The following KAZN variants were observed in gnomAD, a reference collection of about 807,000 sequenced individuals.
The protein encoded by KAZN is kazrin.
A neutral mutation model predicts 87.4 loss-of-function variants in KAZN; 40 were observed. The ratio of observed to expected loss-of-function variants is 0.46; its 90% CI spans 0.36 to 0.60. KAZN has a LOEUF of 0.60. Among genes scored for constraint, KAZN ranks in the 20% least tolerant of loss-of-function variants. The pLI is 0.00. For missense variants in KAZN, 898 were observed against 1,073.9 expected (o/e 0.84, Z 2.29); for synonymous variants, 466 against 458.3 (o/e 1.02, Z -0.22).
At chr1:14,586,844 A>C (rs1264162991) in intron 2 of KAZN, among the ~76,000 whole-genome samples, 1 of 152,190 alleles carries the variant, frequency 6.6e-6, no homozygotes, top group Non-Finnish European at 1.5e-5. Context: ...AGTTTAATAC[A>C]GTTCAACATT....
At chr1:15,040,241 A>G (rs1672750350) in intron 3 of KAZN, among the ~76,000 whole-genome samples, 1 of 150,864 alleles carries the variant, frequency 6.6e-6, no homozygotes, top group Non-Finnish European at 1.5e-5. Flanking sequence ...TTTGCATTTT[A>G]TGTGCATGAT....
chr1:13,963,790 T>C (rs1488704619), intron 1 of KAZN, among the ~76,000 whole-genome samples: 1 of 126,758 alleles, frequency 7.9e-6, no homozygotes, highest in Admixed American at 7.6e-5. Context: ...TGTGTGTGTG[T>C]GTGTGTGTGT....
rs902437016 is a variant in KAZN at position 14,904,498 on chromosome 1, C to T, written c.227-56186C>T. On this transcript the variant is annotated intron_variant, in intron 1 of 14. Transcript: ENST00000376030. ...AGAGACACCCCAGCTGCCACATGGA[C>T]GTCAGCTTGTAAGATGCGGGACGTC... Among the ~76,000 whole-genome samples the T allele has an allele frequency of 3.9e-5, 6 of 152,278 alleles. No homozygotes were observed. In the East Asian group the frequency reaches 5.8e-4, roughly 15 times the overall value.
At chr1:14,903,839 C>T (rs1656198541) in intron 1 of KAZN, among the ~76,000 whole-genome samples, 1 of 152,158 alleles carries the variant, frequency 6.6e-6, no homozygotes, top group Non-Finnish European at 1.5e-5. Context: ...GTTCTAAGTG[C>T]TTTTACATGT....
intron 1 of KAZN, among the ~76,000 whole-genome samples, chr1:14,614,788 T>C (rs1678094845): frequency 6.6e-6 from 1 of 152,238 alleles, no homozygotes; most frequent in South Asian, 2.1e-4. Context: ...GGTTTTTGTA[T>C]GAAAGATTTG....
intron 2 of KAZN, among the ~76,000 whole-genome samples, chr1:14,974,013 C>T (rs1665358257): frequency 6.6e-6 from 1 of 151,974 alleles, no homozygotes; most frequent in South Asian, 2.1e-4. Context: ...CATGCTATTC[C>T]TCTGGACGAC....
At chr1:14,428,140 G>A (rs769189954) in intron 2 of KAZN, among the ~76,000 whole-genome samples, 4 of 152,142 alleles carry the variant, frequency 2.6e-5, no homozygotes, top group Non-Finnish European at 5.9e-5. Flanking sequence ...AGACTGTCAG[G>A]AAGAATAAAT....
chr1:14,546,685 T>C (rs1673167509), intron 2 of KAZN, among the ~76,000 whole-genome samples: 1 of 152,204 alleles, frequency 6.6e-6, no homozygotes, highest in Non-Finnish European at 1.5e-5. Context: ...ATCACTCTTG[T>C]TGCTTTAAAA....
At chr1:14,212,984 C>A (rs901333218) in intron 2 of KAZN, among the ~76,000 whole-genome samples, 3 of 152,052 alleles carry the variant, frequency 2.0e-5, no homozygotes, top group Non-Finnish European at 4.4e-5. Flanking sequence ...ATAATGAATT[C>A]AAAATGACAT....
Position 14,828,233 on chromosome 1 carries a change from T to G in KAZN, c.227-132451T>G, listed in dbSNP as rs74522134. ...CATTTATATTAATAAACATCTTCTC[T>G]TTTAAAAAGGAGAAAACAACATAAA... On this transcript the variant is annotated intron_variant, in intron 1 of 14. Transcript: ENST00000376030. 4.3e-3 allele frequency among the ~76,000 whole-genome samples: 652 copies of G among 152,358 alleles called. 24 individuals carry two copies. The East Asian group carries it at 0.055, about 13-fold the overall frequency.
intron 2 of KAZN, among the ~76,000 whole-genome samples, chr1:14,459,529 T>G (rs1380970405): frequency 6.6e-6 from 1 of 152,192 alleles, no homozygotes; most frequent in Non-Finnish European, 1.5e-5. Context: ...CAATTGGTAT[T>G]GGCTGCCTGG....
chr1:14,382,661 T>C (rs2101054238), intron 2 of KAZN, among the ~76,000 whole-genome samples: 1 of 147,554 alleles, frequency 6.8e-6, no homozygotes, highest in Admixed American at 6.8e-5. Flanking sequence ...TCATTTTTTA[T>C]GGCTGCATAG....
At chr1:14,888,696 T>A (rs1388442799) in intron 1 of KAZN, among the ~76,000 whole-genome samples, 2 of 152,110 alleles carry the variant, frequency 1.3e-5, no homozygotes, top group African/African-American at 4.8e-5. Context: ...TCAGTTAGGA[T>A]AGGATCACTT....
chr1:14,017,629 G>A (rs1387444545), intron 1 of KAZN, among the ~76,000 whole-genome samples: 1 of 152,178 alleles, frequency 6.6e-6, no homozygotes, highest in East Asian at 1.9e-4. Flanking sequence ...TGCTTCACCA[G>A]GCTGCAGAGG....
intron 2 of KAZN, among the ~76,000 whole-genome samples, chr1:14,439,679 T>C (rs1202572302): frequency 6.6e-6 from 1 of 152,220 alleles, no homozygotes; most frequent in Non-Finnish European, 1.5e-5. Flanking sequence ...CGTTAATTAA[T>C]TTAAATGAAA....
In KAZN at chr1:14,751,482, G is replaced by A. The variant is rs535686682; in HGVS notation, c.226+152259G>A. On this transcript the variant is annotated intron_variant, in intron 1 of 14. Transcript: ENST00000376030. The stretch of plus-strand genomic sequence containing the variant: ...ACTTCTCATAGCTTACCTCGTTAAA[G>A]CCTCATAACACCCTGACAAGGTAGG... Among the ~76,000 whole-genome samples the A allele has an allele frequency of 3.3e-5, 5 of 152,284 alleles. No homozygotes were observed. In the South Asian group the frequency reaches 8.3e-4, roughly 25 times the overall value.
chr1:13,946,764 C>T (rs944813973), intron 1 of KAZN, among the ~76,000 whole-genome samples: 11 of 152,264 alleles, frequency 7.2e-5, no homozygotes, highest in South Asian at 2.1e-4. Flanking sequence ...TGTGTTACTC[C>T]GTAACCCTAC....
intron 2 of KAZN, among the ~76,000 whole-genome samples, chr1:14,296,837 A>T (rs543553113): frequency 1.3e-5 from 2 of 151,962 alleles, no homozygotes; most frequent in East Asian, 1.9e-4. Flanking sequence ...GGATTTCACC[A>T]TGTTGGCCAG....
intron 2 of KAZN, among the ~76,000 whole-genome samples, chr1:14,488,078 T>A (rs1669441611): frequency 1.3e-5 from 2 of 152,306 alleles, no homozygotes; most frequent in South Asian, 4.1e-4. Flanking sequence ...GCTCAGCAAG[T>A]ATTCATTAAA....
Sources: allele counts gnomAD v4.1 joint callset (sites outside exome capture counted in the v4.1 genomes callset), GRCh38; gene constraint gnomAD v4.1.1; transcripts MANE v1.5; gene names NCBI Gene and HGNC (gene_info 2026-07-23, HGNC 2026-07-21).